The following STRBP variants were observed in gnomAD, a reference collection of about 807,000 sequenced individuals.
STRBP encodes spermatid perinuclear RNA-binding protein.
In STRBP, 13 loss-of-function variants were observed where a neutral mutation model predicts 80.1. That is an observed-to-expected ratio of 0.16 (90% CI 0.11 to 0.26). STRBP has a LOEUF of 0.26. Among genes scored for constraint, STRBP ranks in the 10% least tolerant of loss-of-function variants. The pLI is 1.00. For synonymous variants in STRBP, 284 were observed against 291.2 expected (o/e 0.98, Z 0.25); for missense variants, 485 against 815.2 (o/e 0.59, Z 4.93).
At chr9:123,111,527 C>T (rs1382136341) in intron 3 of STRBP, 1 of 416,686 alleles carries the variant, frequency 2.4e-6, no homozygotes, top group South Asian at 1.8e-5. Context: ...GATGGCAAAG[C>T]ACCTGTGCCT....
intron 3 of STRBP, chr9:123,111,896 G>A (rs2035573491): frequency 4.8e-6 from 1 of 208,900 alleles, no homozygotes; most frequent in Admixed American, 6.4e-5. Context: ...AGCCCGACAA[G>A]TCTAAAGACA....
chr9:123,153,466 C>T (rs1332586948), intron 11 of STRBP, among the ~76,000 whole-genome samples: 1 of 152,132 alleles, frequency 6.6e-6, no homozygotes, highest in Non-Finnish European at 1.5e-5. Context: ...GCTGGGATTA[C>T]AGGTGTGAGC....
At chr9:123,242,011 A>T (rs1370859244) in intron 1 of STRBP, among the ~76,000 whole-genome samples, 1 of 151,926 alleles carries the variant, frequency 6.6e-6, no homozygotes, top group Non-Finnish European at 1.5e-5. Context: ...CCACACACCC[A>T]CTGTGTCCCT....
chr9:123,235,005 G>GC (rs2040512276), intron 2 of STRBP, among the ~76,000 whole-genome samples: 1 of 146,962 alleles, frequency 6.8e-6, no homozygotes, highest in Non-Finnish European at 1.5e-5. Context: ...TTGGGGGGGG[G>GC]GGGTACTGGG....
At position 123,136,216 on chromosome 9, in the gene STRBP, T is replaced by C. The variant is rs1458071644; in HGVS notation, c.1633-35A>G. On this transcript the variant is annotated intron_variant, in intron 15 of 18. Transcript: ENST00000348403. This position sits in a 1 kb window ranked among gnomAD's most constrained non-coding sequence, Gnocchi z 4.2. ...AGAATAACACCTTGCAATTATCCCATGCAATTCCTCTATGTCCTTTTAATT... is the reference window on the plus strand; with the variant it reads ...AGAATAACACCTTGCAATTATCCCACGCAATTCCTCTATGTCCTTTTAATT... The C allele has an allele frequency of 2.5e-6, 4 of 1,612,738 alleles. No individual in the cohort carries two copies. The highest frequency in any genetic ancestry group is 8.5e-7 in the Non-Finnish European group (1 of 1,179,558).
chr9:123,224,789 A>C (rs1235323722), intron 2 of STRBP, among the ~76,000 whole-genome samples: 1 of 152,210 alleles, frequency 6.6e-6, no homozygotes, highest in Non-Finnish European at 1.5e-5. Flanking sequence ...AAAAAAAGAT[A>C]CTTAAAACTT....
chr9:123,142,898 T>C (rs2036652373), intron 13 of STRBP, among the ~76,000 whole-genome samples: 1 of 152,158 alleles, frequency 6.6e-6, no homozygotes, highest in African/African-American at 2.4e-5. Context: ...AATACATCAA[T>C]TGAGCTTAAA....
At chr9:123,172,364 T>A (rs1179781544) in intron 5 of STRBP, among the ~76,000 whole-genome samples, 1 of 152,184 alleles carries the variant, frequency 6.6e-6, no homozygotes, top group Non-Finnish European at 1.5e-5. Context: ...AATATTCTAA[T>A]AAACTACAAG....
rs779119932 is a variant in STRBP at position 123,179,153 on chromosome 9, C to T, written c.78G>A (p.Glu26=). The T allele has an allele frequency of 2.0e-5, 32 of 1,613,708 alleles. No homozygotes were observed. The highest frequency in any genetic ancestry group is 2.6e-5 in the Non-Finnish European group (31 of 1,179,754). ...VKHSTIYPSP[E]ELEAVQNMVS... is the part of the protein sequence containing the mutation. The stretch of plus-strand genomic sequence containing the variant: ...CCATATTCTGAACAGCTTCAAGTTC[C>T]TCCGGAGATGGATAGATTGTTGAAT... Residue 26 remains glutamate, a synonymous_variant, in exon 4 of 19, where the codon GAG becomes GAA. Transcript: ENST00000348403.
Position 123,153,192 on chromosome 9 carries a change from T to TA in STRBP, c.1045+4819_1045+4820insT, listed in dbSNP as rs1021235298. Among the ~76,000 whole-genome samples, 3 of 110,830 alleles carry TA rather than the reference T, an allele frequency of 2.7e-5. No homozygotes were observed. In the African/African-American group the frequency reaches 3.0e-4, roughly 11 times the overall value. The allele number at this position is 110,830 out of a possible 152,430, so 72.7% of individuals were successfully genotyped here. A position where few individuals can be genotyped will look rare whatever the true frequency, so the allele number is the denominator to read the frequency against. Reference sequence around the variant, plus strand: ...GCGAAGAAGCTAAATTCTAGACTCATTTTTTTTTTTTTTTCTGAGACAGAG... The same window carrying TA: ...GCGAAGAAGCTAAATTCTAGACTCATATTTTTTTTTTTTTTCTGAGACAGAG... On this transcript the variant is annotated intron_variant, in intron 11 of 18. Coordinates refer to ENST00000348403, the MANE Select transcript of STRBP (RefSeq NM_018387.5).
At chr9:123,134,878 T>C (rs1412067041) in intron 16 of STRBP, among the ~76,000 whole-genome samples, 3 of 152,238 alleles carry the variant, frequency 2.0e-5, no homozygotes. Flanking sequence ...TACCAGAAGA[T>C]TTTAGAAAAT....
rs775121025 is a variant in STRBP, at chr9:123,138,586, AC to A, written c.1497+942del. Among the ~76,000 whole-genome samples the A allele has an allele frequency of 1.4e-4, 22 of 152,328 alleles. No homozygotes were observed. In the East Asian group the frequency reaches 2.5e-3, roughly 17 times the overall value. The stretch of plus-strand genomic sequence containing the variant: ...CTCACAGTGGACTCCCTTTGATTTT[AC>A]ATGATTGTGTAAGTTATGTCTAAGA... On this transcript the variant is annotated intron_variant, in intron 14 of 18. Transcript: ENST00000348403.
intron 2 of STRBP, among the ~76,000 whole-genome samples, chr9:123,229,123 C>A (rs1195697916): frequency 2.6e-5 from 4 of 152,124 alleles, no homozygotes; most frequent in African/African-American, 9.7e-5. Context: ...GTGAAACATC[C>A]AGAATAGGCA....
intron 1 of STRBP, among the ~76,000 whole-genome samples, chr9:123,246,597 C>A (rs2040804477): frequency 6.6e-6 from 1 of 152,158 alleles, no homozygotes; most frequent in African/African-American, 2.4e-5. Context: ...AGTAAAACAA[C>A]AATACTATAA....
intron 2 of STRBP, among the ~76,000 whole-genome samples, chr9:123,213,118 G>A (rs7026688): frequency 0.3 from 45,864 of 152,048 alleles, 10,233 homozygotes; most frequent in East Asian, 0.64. Context: ...TCCCAAGGCC[G>A]CAATGAAGGT....
intron 2 of STRBP, among the ~76,000 whole-genome samples, chr9:123,232,557 G>C (rs2040427347): frequency 6.6e-6 from 1 of 152,194 alleles, no homozygotes; most frequent in Admixed American, 6.5e-5. Context: ...CCTCAGGCAA[G>C]CTGAACCAGG....
intron 13 of STRBP, among the ~76,000 whole-genome samples, chr9:123,145,065 G>A (rs1564233298): frequency 6.6e-6 from 1 of 152,258 alleles, no homozygotes; most frequent in South Asian, 2.1e-4. Flanking sequence ...ACTAGTTACT[G>A]CACATTCTAC....
At chr9:123,193,660 G>A (rs369266165) in intron 2 of STRBP, among the ~76,000 whole-genome samples, 1 of 149,364 alleles carries the variant, frequency 6.7e-6, no homozygotes, top group African/African-American at 2.5e-5. Flanking sequence ...AGACAAACAC[G>A]CCCCACCGGG....
At chr9:123,180,874 TTA>T (rs2038428230) in intron 3 of STRBP, 11 of 958,718 alleles carry the variant, frequency 1.1e-5, no homozygotes, top group African/African-American at 1.8e-5. Flanking sequence ...TTACATGAAA[TTA>T]TATGTTAGTA....
Sources: allele counts gnomAD v4.1 joint callset (sites outside exome capture counted in the v4.1 genomes callset), GRCh38; gene constraint gnomAD v4.1.1; non-coding constraint Gnocchi (gnomAD v3.1); transcripts MANE v1.5; gene names NCBI Gene and HGNC (gene_info 2026-07-23, HGNC 2026-07-21).